Variants in WHRN observed in about 807,000 individuals in gnomAD.
The protein encoded by WHRN is CASK-interacting protein CIP98.
In WHRN, 41 loss-of-function variants were observed where a neutral mutation model predicts 68.3. That is an observed-to-expected ratio of 0.60 (90% CI 0.47 to 0.78). WHRN has a LOEUF of 0.78. Among genes scored for constraint, WHRN ranks in the 30% least tolerant of loss-of-function variants. WHRN has a pLI of 0.00. For missense variants in WHRN, 1,243 were observed against 1,244.7 expected (o/e 1.00, Z 0.02); for synonymous variants, 560 against 561.3 (o/e 1.00, Z 0.03).
intron 1 of WHRN, among the ~76,000 whole-genome samples, chr9:114,483,718 T>C (rs1328074124): frequency 6.6e-6 from 1 of 152,178 alleles, no homozygotes. Flanking sequence ...GTGGGTGTCC[T>C]AGGGTTACTT....
chr9:114,459,634 C>T (rs923858673), intron 3 of WHRN, among the ~76,000 whole-genome samples: 3 of 152,122 alleles, frequency 2.0e-5, no homozygotes, highest in African/African-American at 7.2e-5. Context: ...GGAGCAGCCC[C>T]AGCTTGGCTG....
chr9:114,449,595 TCC>T lies in WHRN; in HGVS notation c.963+16670_963+16671del, dbSNP rs1401347315. 4.6e-5 allele frequency among the ~76,000 whole-genome samples: 7 copies of T among 152,190 alleles called. No homozygotes were observed. In the East Asian group the frequency reaches 1.4e-3, roughly 29 times the overall value. On this transcript the variant is annotated intron_variant, in intron 3 of 11. Transcript: ENST00000362057. ...TCATTCAGAGAGGCCATTTCAAAAA[TCC>T]AACTAAGAGAGTATCATAAGGAAGG...
At chr9:114,433,753 G>C (rs1284384074) in intron 3 of WHRN, among the ~76,000 whole-genome samples, 3 of 152,180 alleles carry the variant, frequency 2.0e-5, no homozygotes, top group Admixed American at 1.3e-4. Flanking sequence ...TCAGGGTATG[G>C]GCTGGGTCTG....
intron 7 of WHRN, among the ~76,000 whole-genome samples, chr9:114,414,493 A>T (rs893492144): frequency 2.0e-5 from 3 of 152,178 alleles, no homozygotes; most frequent in Non-Finnish European, 4.4e-5. Flanking sequence ...CCCCAGTCCT[A>T]AGTCAGTGCT....
At chr9:114,443,535 A>T (rs1228056011) in intron 3 of WHRN, among the ~76,000 whole-genome samples, 1 of 152,036 alleles carries the variant, frequency 6.6e-6, no homozygotes, top group Admixed American at 6.5e-5. Flanking sequence ...TCCCACCTCT[A>T]CTTCAACAAC....
chr9:114,414,320 G>A (rs748895432), intron 7 of WHRN, among the ~76,000 whole-genome samples: 7 of 152,278 alleles, frequency 4.6e-5, no homozygotes, highest in South Asian at 2.1e-4. Flanking sequence ...CATGTTTTAC[G>A]TTGTGTTTTC....
chr9:114,412,058 G>A (rs535582245), intron 7 of WHRN, among the ~76,000 whole-genome samples: 4 of 152,292 alleles, frequency 2.6e-5, no homozygotes, highest in African/African-American at 9.6e-5. Context: ...AGGGTGAGGG[G>A]TAGACGAGGG....
At chr9:114,475,309 T>C (rs1282786771) in intron 2 of WHRN, among the ~76,000 whole-genome samples, 3 of 151,912 alleles carry the variant, frequency 2.0e-5, no homozygotes, top group African/African-American at 7.3e-5. Flanking sequence ...AGGCTGCGGG[T>C]TAGAACAACA....
intron 1 of WHRN, among the ~76,000 whole-genome samples, chr9:114,494,795 C>T (rs1430080174): frequency 1.3e-5 from 2 of 152,180 alleles, no homozygotes; most frequent in African/African-American, 4.8e-5. Context: ...TATACACGTA[C>T]ACTGAAAACA....
At chr9:114,468,642 A>G (rs1449922678) in intron 2 of WHRN, among the ~76,000 whole-genome samples, 1 of 152,060 alleles carries the variant, frequency 6.6e-6, no homozygotes, top group Non-Finnish European at 1.5e-5. Context: ...GACCAGCCCC[A>G]GTTTTCTCCT....
At position 114,404,081 on chromosome 9, in the gene WHRN, G is replaced by T; in HGVS notation, c.2237-4C>A. ...AGCTGGGAGAGCGTAGAGGCTGCTG[G>T]AGAGGGGAAAAGGAAGAGAGAAGCA... On this transcript the variant is annotated splice_polypyrimidine_tract_variant and splice_region_variant and intron_variant, in intron 9 of 11. Coordinates refer to ENST00000362057, the MANE Select transcript of WHRN (RefSeq NM_015404.4). 6.2e-7 allele frequency: 1 copy of T among 1,612,536 alleles called. No homozygotes were observed. The highest frequency in any genetic ancestry group is 8.5e-7 in the Non-Finnish European group (1 of 1,179,960).
intron 3 of WHRN, among the ~76,000 whole-genome samples, chr9:114,427,773 G>A (rs187055308): frequency 6.1e-4 from 87 of 142,128 alleles, no homozygotes; most frequent in African/African-American, 1.9e-3. Flanking sequence ...CCTCTGCACC[G>A]GCTTTGACAC....
rs186991958 is a variant in WHRN, at chr9:114,429,913, C to T, written c.964-3500G>A. Reference sequence around the variant, plus strand: ...GCTAAACCACCTCCCCACGTGGCAGCTCCATCTCTCATCTCTGCTGGGCAG... The same window carrying T: ...GCTAAACCACCTCCCCACGTGGCAGTTCCATCTCTCATCTCTGCTGGGCAG... On this transcript the variant is annotated intron_variant, in intron 3 of 11. Transcript: ENST00000362057. Among the ~76,000 whole-genome samples the T allele has an allele frequency of 3.7e-3, 569 of 152,344 alleles. 1 individual carries two copies. The highest frequency in any genetic ancestry group is 0.013 in the African/African-American group (545 of 41,572).
intron 2 of WHRN, among the ~76,000 whole-genome samples, chr9:114,476,607 G>T (rs970262985): frequency 6.6e-6 from 1 of 152,024 alleles, no homozygotes; most frequent in African/African-American, 2.4e-5. Context: ...TGCTCATTTT[G>T]GGATTATTGT....
intron 3 of WHRN, among the ~76,000 whole-genome samples, chr9:114,450,939 A>G (rs1041769048): frequency 1.3e-5 from 2 of 152,222 alleles, no homozygotes; most frequent in African/African-American, 2.4e-5. Flanking sequence ...AATGACAGAC[A>G]TTGAATCATC....
intron 3 of WHRN, among the ~76,000 whole-genome samples, chr9:114,436,688 GCA>G (rs1410591158): frequency 6.6e-6 from 1 of 152,042 alleles, no homozygotes; most frequent in Non-Finnish European, 1.5e-5. Flanking sequence ...AATTAGCCGG[GCA>G]TGGTGGTAGG....
chr9:114,474,866 G>A (rs538175769), intron 2 of WHRN, among the ~76,000 whole-genome samples: 1 of 152,216 alleles, frequency 6.6e-6, no homozygotes, highest in Non-Finnish European at 1.5e-5. Flanking sequence ...ACACCGCCAC[G>A]TCCCTGCTGT....
chr9:114,498,917 C>G (rs748724366), intron 1 of WHRN, among the ~76,000 whole-genome samples: 1 of 152,270 alleles, frequency 6.6e-6, no homozygotes, highest in Middle Eastern at 3.4e-3. Flanking sequence ...AGTAGGTAAT[C>G]GTTAATGTCA....
intron 3 of WHRN, among the ~76,000 whole-genome samples, chr9:114,435,221 C>T (rs142472168): frequency 6.6e-6 from 1 of 152,212 alleles, no homozygotes; most frequent in African/African-American, 2.4e-5. Flanking sequence ...TGCGCTGCAC[C>T]CCCTTGAATG....
Sources: gnomAD v4.1 joint callset for allele counts (sites outside exome capture counted in the v4.1 genomes callset) on GRCh38, gnomAD v4.1.1 for gene constraint, MANE v1.5 for transcripts, NCBI Gene and HGNC (gene_info 2026-07-23, HGNC 2026-07-21) for gene names.